The following SLC35F6 variants were observed in gnomAD, a reference collection of about 807,000 sequenced individuals.
SLC35F6 encodes the protein ANT2-binding protein.
SLC35F6 carries 26 observed loss-of-function variants against 29.4 expected under a neutral mutation model. The observed-to-expected ratio is 0.89, with a 90% CI of 0.65 to 1.23. The LOEUF is 1.23. SLC35F6 is among the 50% of genes most tolerant of loss of function. The pLI is 0.00. For missense variants in SLC35F6, 428 were observed against 487.8 expected, an observed-to-expected ratio of 0.88 and a Z score of 1.15; for synonymous variants, 174 against 206.6, an observed-to-expected ratio of 0.84 and a Z score of 1.35.
chr2:26,773,267 G>A (rs1227375157), intron 1 of SLC35F6, among the ~76,000 whole-genome samples: 3 of 152,082 alleles, frequency 2.0e-5, no homozygotes, highest in Non-Finnish European at 4.4e-5. Context: ...TTGGGAGGCT[G>A]AGGAGGGTGG....
At position 26,764,336 on chromosome 2, in the gene SLC35F6, C is replaced by A; in HGVS notation, c.-14C>A. ...CGGCGCCGCTAACTGGAGCGAACCC[C>A]AGCGTCCGCCGACATGGCCTGGACC... On this transcript the variant is annotated 5_prime_UTR_variant, in exon 1 of 6. Coordinates refer to ENST00000344420, the MANE Select transcript of SLC35F6 (RefSeq NM_017877.4). 1.3e-6 allele frequency: 2 copies of A among 1,549,718 alleles called. No individual in the cohort carries two copies. The highest frequency in any genetic ancestry group is 1.7e-6 in the Non-Finnish European group (2 of 1,146,514).
At chr2:26,770,432 T>C (rs971763308) in intron 1 of SLC35F6, among the ~76,000 whole-genome samples, 2 of 152,006 alleles carry the variant, frequency 1.3e-5, no homozygotes, top group African/African-American at 4.8e-5. Flanking sequence ...AAACAAACGT[T>C]GTTGGCCGGA....
In SLC35F6 at chr2:26,778,230, G is replaced by A. The variant is rs774327484; in HGVS notation, c.835G>A (p.Ala279Thr). The A allele has an allele frequency of 9.9e-6, 16 of 1,614,138 alleles. No individual in the cohort carries two copies. Among genetic ancestry groups the A allele is most frequent in the East Asian group, 8.9e-5 (4 of 44,878 alleles). ...CAGCAGCATTGCCTTCTTCAACTTC[G>A]CAGGCATCAGCGTCACCAAGGAACT... The part of the protein sequence containing the change: ...NISSIAFFNF[A>T]GISVTKELSA... The change falls in exon 6 of 6, where the codon GCA becomes ACA. Residue 279 changes from alanine (A) to threonine (T), a missense_variant. Coordinates refer to ENST00000344420, the MANE Select transcript of SLC35F6 (RefSeq NM_017877.4).
At chr2:26,776,770 G>A (rs1300200744) in intron 5 of SLC35F6, among the ~76,000 whole-genome samples, 1 of 152,194 alleles carries the variant, frequency 6.6e-6, no homozygotes, top group East Asian at 1.9e-4. Context: ...TGTCTCATTG[G>A]CCATGCCTAT....
rs753182277 is a variant in SLC35F6, at chr2:26,778,527, TCTA to T, written c.*19_*21del. On this transcript the variant is annotated 3_prime_UTR_variant, in exon 6 of 6. Coordinates refer to ENST00000344420, the MANE Select transcript of SLC35F6 (RefSeq NM_017877.4). The stretch of plus-strand genomic sequence containing the variant: ...TGCCAGCTGAGGTTCCCTGGAGGCT[TCTA>T]CTGCCACCCGGGTGCTCCTTCTCCC... The T allele has an allele frequency of 6.4e-7, 1 of 1,567,690 alleles. No individual in the cohort carries two copies. Among genetic ancestry groups the T allele is most frequent in the South Asian group, 1.2e-5 (1 of 85,712 alleles).
At chr2:26,768,941 C>T (rs1664142227) in intron 1 of SLC35F6, among the ~76,000 whole-genome samples, 1 of 152,202 alleles carries the variant, frequency 6.6e-6, no homozygotes, top group Non-Finnish European at 1.5e-5. Flanking sequence ...CCACACCCAG[C>T]TTAAGGAAAG....
In SLC35F6 at chr2:26,778,214, T is replaced by G; in HGVS notation, c.819T>G (p.Ile273Met). The change falls in exon 6 of 6, where the codon ATT (isoleucine) becomes ATG (methionine). Residue 273 changes from isoleucine to methionine, a missense_variant. Transcript: ENST00000344420. ...CACTGCTGGGCAACATCAGCAGCAT[T>G]GCCTTCTTCAACTTCGCAGGCATCA... ...AVALLGNISS[I>M]AFFNFAGISV... is the part of the protein sequence containing the mutation. 1 of 1,614,186 alleles carries G rather than the reference T, an allele frequency of 6.2e-7. No homozygotes were observed. The highest frequency in any genetic ancestry group is 8.5e-7 in the Non-Finnish European group (1 of 1,180,034).
chr2:26,771,637 C>A (rs1205647021), intron 1 of SLC35F6, among the ~76,000 whole-genome samples: 1 of 152,206 alleles, frequency 6.6e-6, no homozygotes, highest in Non-Finnish European at 1.5e-5. Flanking sequence ...CATGTCCTGT[C>A]CTGGCCAGGG....
At position 26,779,105 on chromosome 2, in the gene SLC35F6, C is replaced by T. The variant is rs1975212; in HGVS notation, c.*594C>T. 0.77 allele frequency: 116,919 copies of T among 151,882 alleles called. 45,583 individuals carry two copies. Among genetic ancestry groups the T allele is most frequent in the African/African-American group, 0.87 (35,851 of 41,418 alleles). The allele number at this position is 151,882 out of a possible 1,614,324, so 9.4% of individuals were successfully genotyped here. A position where few individuals can be genotyped will look rare whatever the true frequency, so the allele number is the denominator to read the frequency against. ...ACAGGTGCATAACACACCTGGGTAA[C>T]TTTTATAGAGATGGGGTTTCACCAT... On this transcript the variant is annotated 3_prime_UTR_variant, in exon 6 of 6. Transcript: ENST00000344420.
At chr2:26,764,535 C>T (rs1024130554) in intron 1 of SLC35F6, 109 bp downstream of exon 1, 454 of 1,384,088 alleles carry the variant, frequency 3.3e-4, no homozygotes, top group Non-Finnish European at 3.6e-4. Context: ...TTCCCACTTG[C>T]TCCGGTCAGT....
rs540611130 is a variant in SLC35F6 at position 26,774,375 on chromosome 2, G to A, written c.150+52G>A. The A allele has an allele frequency of 1.6e-5, 26 of 1,597,918 alleles. No individual in the cohort carries two copies. The East Asian group carries it at 4.0e-4, about 25-fold the overall frequency. ...CTGTCTCCCGGGCCTCAGACCAGGC[G>A]CCACCCCCGGCCATGAGGCCAGGCT... On this transcript the variant is annotated intron_variant, in intron 2 of 5. Transcript: ENST00000344420.
intron 1 of SLC35F6, chr2:26,764,788 G>T (rs1391634133): frequency 5.1e-6 from 5 of 985,044 alleles, no homozygotes; most frequent in Non-Finnish European, 6.0e-6. Flanking sequence ...CACATGAGCC[G>T]CAGTAGTGGC....
In SLC35F6 at chr2:26,778,303, T is replaced by A. The variant is rs1462130574; in HGVS notation, c.908T>A (p.Ile303Asn). Residue 303 changes from isoleucine (I) to asparagine (N), a missense_variant, in exon 6 of 6, where the codon ATC (isoleucine) becomes AAC (asparagine). Transcript: ENST00000344420. ...MVLDSLRTVVIWALSLALGWE... is the reference protein window; with the variant it reads ...MVLDSLRTVVNWALSLALGWE... ...TTGGACAGCTTGCGCACCGTTGTCA[T>A]CTGGGCACTGAGCCTGGCACTGGGC... is the stretch of plus-strand genomic sequence containing the variant. The A allele has an allele frequency of 6.2e-7, 1 of 1,614,080 alleles. No individual in the cohort carries two copies. The highest frequency in any genetic ancestry group is 1.7e-5 in the Admixed American group (1 of 59,998).
chr2:26,766,068 C>CT (rs1664091175), intron 1 of SLC35F6, among the ~76,000 whole-genome samples: 1 of 152,208 alleles, frequency 6.6e-6, no homozygotes, highest in Non-Finnish European at 1.5e-5. Context: ...AAGGCGTCGC[C>CT]TTTAAAGGCT....
At position 26,780,113 on chromosome 2, in the gene SLC35F6, G is replaced by A. The variant is rs1189774559; in HGVS notation, c.*1602G>A. On this transcript the variant is annotated 3_prime_UTR_variant, in exon 6 of 6. Transcript: ENST00000344420. Reference sequence around the variant, plus strand: ...TGAGCCACCACACCTGGGCAACAGAGTGAAACCTGTCCCTGTTTTCCTGCT... The same window carrying A: ...TGAGCCACCACACCTGGGCAACAGAATGAAACCTGTCCCTGTTTTCCTGCT... 1 of 152,168 alleles carries A rather than the reference G, an allele frequency of 6.6e-6. No homozygotes were observed. The highest frequency in any genetic ancestry group is 1.5e-5 in the Non-Finnish European group (1 of 68,076). 9.4% of individuals were successfully genotyped at this position (152,168 alleles called of 1,614,324 possible). A position where few individuals can be genotyped will look rare whatever the true frequency, so the allele number is the denominator to read the frequency against.
At chr2:26,774,382 C>T in intron 2 of SLC35F6, 59 bp downstream of exon 2, 1 of 1,594,380 alleles carries the variant, frequency 6.3e-7, no homozygotes, top group Non-Finnish European at 8.6e-7. Flanking sequence ...GGCGCCACCC[C>T]CGGCCATGAG....
intron 1 of SLC35F6, among the ~76,000 whole-genome samples, chr2:26,773,635 C>G (rs1664242817): frequency 1.5e-5 from 2 of 136,934 alleles, no homozygotes; most frequent in Middle Eastern, 9.0e-3. Context: ...TTTTCTGAGA[C>G]AGGATCTTGC....
intron 1 of SLC35F6, among the ~76,000 whole-genome samples, chr2:26,773,801 C>T (rs376896914): frequency 2.6e-5 from 4 of 151,610 alleles, no homozygotes; most frequent in Admixed American, 6.6e-5. Context: ...TTAGTAGAGA[C>T]GGGGTTTCAC....
rs188639011 is a variant in SLC35F6 at position 26,769,391 on chromosome 2, C to T, written c.78-4860C>T. Among the ~76,000 whole-genome samples the T allele has an allele frequency of 9.8e-5, 15 of 152,348 alleles. No individual in the cohort carries two copies. In the East Asian group the frequency reaches 2.7e-3, roughly 27 times the overall value. On this transcript the variant is annotated intron_variant, in intron 1 of 5. Coordinates refer to ENST00000344420, the MANE Select transcript of SLC35F6 (RefSeq NM_017877.4). ...CCTGGAGGTCATCTCCCCTAGAATA[C>T]AGTGTCTGTGGAGAAGACAGGCCCA...
Sources: allele counts gnomAD v4.1 joint callset (sites outside exome capture counted in the v4.1 genomes callset), GRCh38; gene constraint gnomAD v4.1.1; transcripts MANE v1.5; gene names NCBI Gene and HGNC (gene_info 2026-07-23, HGNC 2026-07-21).